The following PCDH9 variants were observed in gnomAD, a reference collection of about 807,000 sequenced individuals.
PCDH9 encodes protocadherin 9, also known as protocadherin-9.
A neutral mutation model predicts 70.6 loss-of-function variants in PCDH9; 24 were observed. The observed-to-expected ratio is 0.34, with a 90% CI of 0.25 to 0.48. The LOEUF (loss-of-function observed/expected upper bound fraction) is 0.48. PCDH9 is among the 20% of genes least tolerant of loss of function. PCDH9 has a pLI of 0.99. For missense variants in PCDH9, 1,281 were observed against 1,503.6 expected (o/e 0.85, Z 2.45); for synonymous variants, 562 against 558.5 (o/e 1.01, Z -0.09).
At chr13:66,909,397 T>A (rs1379239107) in intron 2 of PCDH9, among the ~76,000 whole-genome samples, 3 of 151,306 alleles carry the variant, frequency 2.0e-5, no homozygotes, top group Non-Finnish European at 4.4e-5. Flanking sequence ...TTCAGTGCAA[T>A]CCCTATCAAA....
chr13:66,547,840 C>T (rs1566407874), intron 4 of PCDH9, among the ~76,000 whole-genome samples: 1 of 146,428 alleles, frequency 6.8e-6, no homozygotes, highest in Non-Finnish European at 1.5e-5. Context: ...TAAATTAAGT[C>T]ATAATAATAT....
chr13:67,076,892 A>T (rs2085888578), intron 2 of PCDH9, among the ~76,000 whole-genome samples: 1 of 152,212 alleles, frequency 6.6e-6, no homozygotes, highest in Admixed American at 6.6e-5. Context: ...TTTGAGAAGT[A>T]AATATGGCTA....
rs66796123 is a variant in PCDH9 at position 66,437,404 on chromosome 13, C to CAAAAAAAA, written c.3341-132384_3341-132377dup. On this transcript the variant is annotated intron_variant, in intron 4 of 4. Coordinates refer to ENST00000377865, the MANE Select transcript of PCDH9 (RefSeq NM_203487.3). ...TGGGTGACAGAGCAAGACTCTGTCTCAAAAAAAAAAAAAAAAAAAAAAGGA... is the reference window on the plus strand; with the variant it reads ...TGGGTGACAGAGCAAGACTCTGTCTCAAAAAAAAAAAAAAAAAAAAAAAAAAAAAAGGA... Among the ~76,000 whole-genome samples the CAAAAAAAA allele has an allele frequency of 5.9e-3, 267 of 45,534 alleles. 13 individuals are homozygous for CAAAAAAAA. The highest frequency in any genetic ancestry group is 0.038 in the Middle Eastern group (1 of 26). The allele number at this position is 45,534 out of a possible 152,430, so 29.9% of individuals were successfully genotyped here.
At chr13:66,321,436 G>A (rs1955751426) in intron 4 of PCDH9, among the ~76,000 whole-genome samples, 1 of 151,944 alleles carries the variant, frequency 6.6e-6, no homozygotes, top group African/African-American at 2.4e-5. Flanking sequence ...GAGCATGGAT[G>A]ATCAGTGTGA....
At chr13:66,922,311 T>C (rs1466162916) in intron 2 of PCDH9, among the ~76,000 whole-genome samples, 2 of 151,452 alleles carry the variant, frequency 1.3e-5, no homozygotes, top group Non-Finnish European at 3.0e-5. Flanking sequence ...TTTGGAATTA[T>C]TAAAAATTGA....
At chr13:66,398,765 G>A (rs997616719) in intron 4 of PCDH9, among the ~76,000 whole-genome samples, 2 of 152,148 alleles carry the variant, frequency 1.3e-5, no homozygotes, top group African/African-American at 2.4e-5. Context: ...ATGAAAGTAT[G>A]ATTTTCATCT....
chr13:66,986,938 T>C (rs2139787880), intron 2 of PCDH9, among the ~76,000 whole-genome samples: 1 of 152,068 alleles, frequency 6.6e-6, no homozygotes, highest in African/African-American at 2.4e-5. Flanking sequence ...AATAGGCATA[T>C]ATCATACACA....
intron 3 of PCDH9, among the ~76,000 whole-genome samples, chr13:66,848,716 C>A (rs1273479640): frequency 2.0e-5 from 3 of 151,960 alleles, no homozygotes; most frequent in African/African-American, 7.3e-5. Context: ...ATCACGAGGT[C>A]ATGAGAGCGA....
intron 3 of PCDH9, among the ~76,000 whole-genome samples, chr13:66,840,824 C>A (rs998400700): frequency 6.6e-6 from 1 of 152,144 alleles, no homozygotes; most frequent in East Asian, 1.9e-4. Context: ...AACAGGAGAG[C>A]AAAACAGCTG....
At chr13:67,066,852 T>A (rs1306491527) in intron 2 of PCDH9, among the ~76,000 whole-genome samples, 2 of 152,188 alleles carry the variant, frequency 1.3e-5, no homozygotes, top group Non-Finnish European at 2.9e-5. Context: ...TTGGTTGCAA[T>A]TTGTTCAAGG....
intron 3 of PCDH9, among the ~76,000 whole-genome samples, chr13:66,656,129 CAA>C (rs746661684): frequency 2.3e-4 from 27 of 119,578 alleles, no homozygotes; most frequent in Admixed American, 1.7e-4. Flanking sequence ...AAAGGAAAAG[CAA>C]AAAAAAAAAA....
At chr13:66,743,317 G>C (rs977404670) in intron 3 of PCDH9, among the ~76,000 whole-genome samples, 1 of 121,020 alleles carries the variant, frequency 8.3e-6, no homozygotes, top group Non-Finnish European at 1.7e-5. Context: ...ACACATGAAG[G>C]GGAATATCAC....
rs1351499060 is a variant in PCDH9, at chr13:67,169,835, T to C, written c.3036+55570A>G. 5.3e-5 allele frequency among the ~76,000 whole-genome samples: 8 copies of C among 152,214 alleles called. No homozygotes were observed. In the East Asian group the frequency reaches 1.3e-3, roughly 26 times the overall value. On this transcript the variant is annotated intron_variant, in intron 2 of 4. Transcript: ENST00000377865. ...TACTCTTCTGTATTTTTTGTCTAAATAGTTAATTGCTAAAAGACTCACATG... is the reference window on the plus strand; with the variant it reads ...TACTCTTCTGTATTTTTTGTCTAAACAGTTAATTGCTAAAAGACTCACATG...
At chr13:67,002,873 C>T (rs768702591) in intron 2 of PCDH9, among the ~76,000 whole-genome samples, 3 of 151,404 alleles carry the variant, frequency 2.0e-5, no homozygotes, top group South Asian at 2.1e-4. Flanking sequence ...TGATCTAGTT[C>T]TTTTATTTTA....
chr13:66,705,230 C>T (rs1015073022), intron 3 of PCDH9, among the ~76,000 whole-genome samples: 3 of 152,046 alleles, frequency 2.0e-5, no homozygotes, highest in Non-Finnish European at 2.9e-5. Flanking sequence ...ATAAATGGCA[C>T]ATGTGCATGC....
chr13:66,640,166 A>G (rs1032129494), intron 3 of PCDH9, among the ~76,000 whole-genome samples: 4 of 152,212 alleles, frequency 2.6e-5, no homozygotes, highest in African/African-American at 9.6e-5. Context: ...TATAGACATC[A>G]CAGATACAAC....
At chr13:67,000,831 T>C (rs886749610) in intron 2 of PCDH9, among the ~76,000 whole-genome samples, 1 of 152,182 alleles carries the variant, frequency 6.6e-6, no homozygotes, top group African/African-American at 2.4e-5. Context: ...TTAAATAGTG[T>C]AAAGCTAAGA....
At chr13:67,225,289 A>T in intron 2 of PCDH9, 116 bp downstream of exon 2, 3 of 1,282,038 alleles carry the variant, frequency 2.3e-6, no homozygotes, top group Non-Finnish European at 3.2e-6. Context: ...GTTTTTTTTT[A>T]CCTCTTTCTA....
intron 2 of PCDH9, among the ~76,000 whole-genome samples, chr13:67,195,507 A>C (rs1342130053): frequency 6.6e-6 from 1 of 152,192 alleles, no homozygotes; most frequent in Non-Finnish European, 1.5e-5. Flanking sequence ...TGGAAATACC[A>C]GTTTGAAAGC....
Sources: gnomAD v4.1 joint callset for allele counts (sites outside exome capture counted in the v4.1 genomes callset) on GRCh38, gnomAD v4.1.1 for gene constraint, MANE v1.5 for transcripts, NCBI Gene and HGNC (gene_info 2026-07-23, HGNC 2026-07-21) for gene names.